ITLN1: variants seen among roughly 807,000 people sequenced by gnomAD.
The protein encoded by ITLN1 is intelectin 1.
ITLN1 carries 29 observed loss-of-function variants against 36.2 expected under a neutral mutation model. The observed-to-expected ratio is 0.80, with a 90% CI of 0.60 to 1.09. ITLN1 has a LOEUF of 1.09. Ranked by LOEUF, ITLN1 falls within the 50% of genes least tolerant of loss-of-function variation. The pLI, the probability that ITLN1 is intolerant of heterozygous loss-of-function variation, is 0.00. For synonymous variants in ITLN1, 143 were observed against 146.5 expected, an observed-to-expected ratio of 0.98 and a Z score of 0.17; for missense variants, 358 against 405.2, an observed-to-expected ratio of 0.88 and a Z score of 1.00.
At position 160,881,949 on chromosome 1, in the gene ITLN1, G is replaced by A; in HGVS notation, c.405+8C>T. Reference sequence around the variant, plus strand: ...CCCTCACCCGAGTGGGTAAGAAGTGGCACCAACCTTGTAGTCATCGCTCGT... The same window carrying A: ...CCCTCACCCGAGTGGGTAAGAAGTGACACCAACCTTGTAGTCATCGCTCGT... On this transcript the variant is annotated splice_region_variant and intron_variant, in intron 4 of 7. Coordinates refer to ENST00000326245, the MANE Select transcript of ITLN1 (RefSeq NM_017625.3). The A allele has an allele frequency of 1.2e-6, 2 of 1,614,162 alleles. No individual in the cohort carries two copies. The highest frequency in any genetic ancestry group is 1.7e-6 in the Non-Finnish European group (2 of 1,180,026).
Position 160,882,147 on chromosome 1 carries a change from A to G in ITLN1, c.215T>C (p.Met72Thr). 6.2e-7 allele frequency: 1 copy of G among 1,611,850 alleles called. No homozygotes were observed. Among genetic ancestry groups the G allele is most frequent in the African/African-American group, 1.3e-5 (1 of 75,034 alleles). The part of the protein sequence containing the change: ...NGVIYQTFCD[M>T]TSGGGGWTLV... ...GGTCCAGCCGCCACCCCCAGAGGTC[A>G]TGTCACAGAAGGTCTGGTAGATAAC... The change falls in exon 4 of 8, where the codon ATG (methionine) becomes ACG (threonine). Residue 72 changes from methionine to threonine, a missense_variant. Met to Thr is a moderately conservative substitution (Grantham distance 81). Coordinates refer to ENST00000326245, the MANE Select transcript of ITLN1 (RefSeq NM_017625.3).
chr1:160,883,941 ACT>A (rs1377821915), intron 2 of ITLN1, among the ~76,000 whole-genome samples: 1 of 152,082 alleles, frequency 6.6e-6, no homozygotes, highest in African/African-American at 2.4e-5. Context: ...CAAAAGAAAG[ACT>A]CTGAGGTAAC....
intron 7 of ITLN1, among the ~76,000 whole-genome samples, chr1:160,877,257 C>A (rs566646591): frequency 6.6e-6 from 1 of 151,550 alleles, no homozygotes; most frequent in Non-Finnish European, 1.5e-5. Flanking sequence ...AAAAAAAACT[C>A]TCTTCCTTTA....
At chr1:160,877,252 A>C (rs1178883581) in intron 7 of ITLN1, among the ~76,000 whole-genome samples, 1 of 151,994 alleles carries the variant, frequency 6.6e-6, no homozygotes, top group Non-Finnish European at 1.5e-5. Context: ...AAAAAAAAAA[A>C]AACTCTCTTC....
intron 4 of ITLN1, 132 bp from the exon 5 acceptor site, chr1:160,881,444 AC>A (rs1670676114): frequency 1.0e-6 from 1 of 998,984 alleles, no homozygotes; most frequent in Admixed American, 3.2e-5. Flanking sequence ...ATACTCAGAC[AC>A]CCCACTCCCA....
chr1:160,880,764 G>T (rs1380147902), intron 5 of ITLN1, 56 bp from the exon 6 acceptor site: 1 of 1,593,600 alleles, frequency 6.3e-7, no homozygotes, highest in Non-Finnish European at 8.6e-7. Flanking sequence ...GCCATTACCA[G>T]CATCTCCTGG....
intron 4 of ITLN1, 134 bp downstream of exon 4, chr1:160,881,823 A>T: frequency 8.6e-7 from 1 of 1,161,754 alleles, no homozygotes; most frequent in Non-Finnish European, 1.2e-6. Flanking sequence ...AAAAAAAAAA[A>T]AAGATATAAG....
At chr1:160,884,013 A>G (rs1367296098) in intron 2 of ITLN1, among the ~76,000 whole-genome samples, 4 of 152,198 alleles carry the variant, frequency 2.6e-5, no homozygotes, top group Non-Finnish European at 5.9e-5. Flanking sequence ...AGAAGGCAAG[A>G]CGGGTTGTCT....
At chr1:160,882,399 T>C (rs956150836) in intron 3 of ITLN1, 195 bp from the exon 4 acceptor site, 6 of 521,294 alleles carry the variant, frequency 1.2e-5, no homozygotes, top group Non-Finnish European at 1.9e-5. Flanking sequence ...AGGCAGAACA[T>C]AGAATTGTAT....
chr1:160,877,028 A>G (rs1432447497), intron 7 of ITLN1, among the ~76,000 whole-genome samples: 2 of 152,204 alleles, frequency 1.3e-5, no homozygotes, highest in Non-Finnish European at 2.9e-5. Flanking sequence ...ACTTGAGGCC[A>G]GGGGTTCGAG....
In ITLN1 at chr1:160,880,677, C is replaced by T. The variant is rs202053232; in HGVS notation, c.596G>A (p.Cys199Tyr). 5 of 1,614,158 alleles carry T rather than the reference C, an allele frequency of 3.1e-6. No homozygotes were observed. In the South Asian group the frequency reaches 3.3e-5, roughly 11 times the overall value. Residue 199 changes from cysteine to tyrosine, a missense_variant, in exon 6 of 8, where the codon TGT becomes TAT. By Grantham distance (194) the Cys-to-Tyr change is radical. Coordinates refer to ENST00000326245, the MANE Select transcript of ITLN1 (RefSeq NM_017625.3). ...GATCACCGGGCCGTTGTCAGTCCAA[C>T]ACTTTCCTTCTCCATATTTCACTGG... ...KYPVKYGEGK[C>Y]WTDNGPVIPV...
Position 160,885,070 on chromosome 1 carries a change from G to A in ITLN1, c.-16C>T. 1.9e-6 allele frequency: 1 copy of A among 534,148 alleles called. No homozygotes were observed. Among genetic ancestry groups the A allele is most frequent in the Non-Finnish European group, 3.4e-6 (1 of 294,752 alleles). 33.1% of individuals were successfully genotyped at this position (534,148 alleles called of 1,614,324 possible). A position where few individuals can be genotyped will look rare whatever the true frequency, so the allele number is the denominator to read the frequency against. On this transcript the variant is annotated 5_prime_UTR_variant, in exon 1 of 8. Coordinates refer to ENST00000326245, the MANE Select transcript of ITLN1 (RefSeq NM_017625.3). ...CCCCCAACTCACAGACCTTGTCTGA[G>A]TCTCAGCTGCACTTTCCTTGGGTAC...
At chr1:160,883,915 G>C (rs990983226) in intron 2 of ITLN1, among the ~76,000 whole-genome samples, 1 of 152,152 alleles carries the variant, frequency 6.6e-6, no homozygotes, top group Non-Finnish European at 1.5e-5. Context: ...GTAGAAGAAA[G>C]GCAAACTCAA....
In ITLN1 at chr1:160,876,675, A is replaced by C; in HGVS notation, c.931T>G (p.Phe311Val). The C allele has an allele frequency of 6.2e-7, 1 of 1,614,228 alleles. No homozygotes were observed. The highest frequency in any genetic ancestry group is 8.5e-7 in the Non-Finnish European group (1 of 1,180,034). ...CTCCCACAAAACTCTCAACGATAGA[A>C]TAGAAGCACAGCTGCCTCAGTTATC... Reference protein sequence around the residue: ...REITEAAVLLFYR With the variant: ...REITEAAVLLVYR Residue 311 changes from phenylalanine (F) to valine (V), a missense_variant, in exon 8 of 8, where the codon TTC becomes GTC. Physicochemically the swap from Phe to Val is conservative, Grantham distance 50 (BLOSUM62 -1). Coordinates refer to ENST00000326245, the MANE Select transcript of ITLN1 (RefSeq NM_017625.3).
chr1:160,883,435 A>G lies in ITLN1; in HGVS notation c.150T>C (p.Ser50=). 1 of 1,609,778 alleles carries G rather than the reference A, an allele frequency of 6.2e-7. No homozygotes were observed. The highest frequency in any genetic ancestry group is 2.2e-5 in the East Asian group (1 of 44,864). The change falls in exon 3 of 8, where the codon AGT becomes AGC. Residue 50 remains serine, a synonymous_variant. Transcript: ENST00000326245. The part of the protein sequence containing the change: ...SCKEIKDECP[S]AFDGLYFLRT... The stretch of plus-strand genomic sequence containing the variant: ...GAATGTTTCATCACTCACCAAATGC[A>G]CTAGGACATTCGTCTTTGATTTCCT...
chr1:160,884,593 A>G (rs562346047), intron 2 of ITLN1, among the ~76,000 whole-genome samples: 2 of 152,302 alleles, frequency 1.3e-5, no homozygotes, highest in Admixed American at 6.5e-5. Context: ...TTCTTGCCAC[A>G]GCCCCCTCAG....
chr1:160,884,811 G>C lies in ITLN1; in HGVS notation c.58+9C>G. 6.2e-7 allele frequency: 1 copy of C among 1,600,726 alleles called. No individual in the cohort carries two copies. The highest frequency in any genetic ancestry group is 8.6e-7 in the Non-Finnish European group (1 of 1,168,456). The stretch of plus-strand genomic sequence containing the variant: ...TGAAGGAACTGCTGTCCCTAGCAGC[G>C]TGACTCACCTGTACTCCATCCTCTG... On this transcript the variant is annotated intron_variant, in intron 2 of 7. Transcript: ENST00000326245.
chr1:160,884,952 T>C (rs1033819124), intron 1 of ITLN1, 69 bp from the exon 2 acceptor site: 1 of 1,020,414 alleles, frequency 9.8e-7, no homozygotes, highest in African/African-American at 1.6e-5. Flanking sequence ...CCCACCCCTG[T>C]CCAGTCTTAC....
chr1:160,883,586 A>G (rs1173237844), intron 2 of ITLN1, 60 bp from the exon 3 acceptor site: 6 of 1,173,182 alleles, frequency 5.1e-6, no homozygotes, highest in East Asian at 2.4e-5. Context: ...ACCCTCTCCT[A>G]TCACTAGTCC....
Sources: allele counts gnomAD v4.1 joint callset (sites outside exome capture counted in the v4.1 genomes callset), GRCh38; gene constraint gnomAD v4.1.1; transcripts MANE v1.5; gene names NCBI Gene and HGNC (gene_info 2026-07-23, HGNC 2026-07-21).